RASGRP3: variants seen among roughly 807,000 people sequenced by gnomAD.
The protein encoded by RASGRP3 is ras guanyl-releasing protein 3.
A neutral mutation model predicts 82.7 loss-of-function variants in RASGRP3; 54 were observed. The ratio of observed to expected loss-of-function variants is 0.65; its 90% CI spans 0.52 to 0.82. RASGRP3 has a LOEUF of 0.82. Ranked by LOEUF, RASGRP3 falls within the 40% of genes least tolerant of loss-of-function variation. The pLI is 0.00. For synonymous variants in RASGRP3, 309 were observed against 300.5 expected (o/e 1.03, Z -0.29); for missense variants, 861 against 828.9 (o/e 1.04, Z -0.48).
chr2:33,487,247 G>A (rs1329204968), intron 1 of RASGRP3, among the ~76,000 whole-genome samples: 1 of 152,136 alleles, frequency 6.6e-6, no homozygotes, highest in Non-Finnish European at 1.5e-5. Flanking sequence ...TTGTCAAGTA[G>A]AGGGATGACA....
At position 33,527,202 on chromosome 2, in the gene RASGRP3, T is replaced by A. The variant is rs1672655034; in HGVS notation, c.873T>A (p.Phe291Leu). 6.2e-7 allele frequency: 1 copy of A among 1,613,926 alleles called. No homozygotes were observed. The highest frequency in any genetic ancestry group is 1.3e-5 in the African/African-American group (1 of 74,944). The change falls in exon 10 of 18, where the codon TTT becomes TTA. Residue 291 changes from phenylalanine (F) to leucine (L), a missense_variant. Physicochemically the swap from Phe to Leu is conservative, Grantham distance 22 (BLOSUM62 0). Coordinates refer to ENST00000403687, the MANE Select transcript of RASGRP3 (RefSeq NM_001139488.2). ...ATTACTGCAATTACCGCAAGGCCTT[T>A]GCCGACTGCGATGGCTTCAAAATCC... The part of the protein sequence containing the change: ...NGNYCNYRKA[F>L]ADCDGFKIPI...
At chr2:33,509,782 A>T (rs974394415) in intron 1 of RASGRP3, among the ~76,000 whole-genome samples, 1 of 151,766 alleles carries the variant, frequency 6.6e-6, no homozygotes, top group Non-Finnish European at 1.5e-5. Flanking sequence ...CCCGACACCA[A>T]CCCCTTCTAC....
At chr2:33,450,984 C>G (rs1665769015) in intron 2 of RASGRP3, among the ~76,000 whole-genome samples, 1 of 150,996 alleles carries the variant, frequency 6.6e-6, no homozygotes, top group Non-Finnish European at 1.5e-5. Flanking sequence ...ACTACAGGTG[C>G]CTGCCACCAC....
Position 33,520,633 on chromosome 2 carries a change from C to T in RASGRP3, c.317C>T (p.Ala106Val). ...ATGACTGAGGAATTTCGGGAAGTAG[C>T]TAGTCAACTAGGATATGAAAAACAC... ...IRMTEEFREV[A>V]SQLGYEKHVS... The change falls in exon 6 of 18, where the codon GCT becomes GTT. Residue 106 changes from alanine to valine, a missense_variant. Coordinates refer to ENST00000403687, the MANE Select transcript of RASGRP3 (RefSeq NM_001139488.2). The T allele has an allele frequency of 6.2e-7, 1 of 1,613,948 alleles. No homozygotes were observed. Among genetic ancestry groups the T allele is most frequent in the Non-Finnish European group, 8.5e-7 (1 of 1,179,856 alleles).
intron 10 of RASGRP3, 110 bp downstream of exon 10, chr2:33,527,522 A>G: frequency 8.7e-7 from 1 of 1,147,174 alleles, no homozygotes; most frequent in Non-Finnish European, 1.2e-6. Flanking sequence ...AATTGGTTTC[A>G]GAGTCAATAG....
At chr2:33,449,311 A>G (rs1383832915) in intron 2 of RASGRP3, among the ~76,000 whole-genome samples, 1 of 152,122 alleles carries the variant, frequency 6.6e-6, no homozygotes, top group Admixed American at 6.5e-5. Context: ...TTCTCAACCA[A>G]CCTTTCGTCA....
chr2:33,545,147 C>T (rs900582235), intron 13 of RASGRP3, among the ~76,000 whole-genome samples: 4 of 152,116 alleles, frequency 2.6e-5, no homozygotes, highest in African/African-American at 9.7e-5. Flanking sequence ...TGAGATTGTC[C>T]TAGCAAATAT....
intron 1 of RASGRP3, among the ~76,000 whole-genome samples, chr2:33,443,709 T>TAAAA (rs1161262477): frequency 3.1e-5 from 3 of 98,220 alleles, no homozygotes; most frequent in African/African-American, 7.8e-5. Flanking sequence ...ATCCTGTCTC[T>TAAAA]AAAAAAAAAA....
intron 2 of RASGRP3, among the ~76,000 whole-genome samples, chr2:33,452,743 C>T (rs1665865428): frequency 6.6e-6 from 1 of 152,332 alleles, no homozygotes; most frequent in African/African-American, 2.4e-5. Context: ...AGAGGTTGAG[C>T]TGCTGTGGCA....
At chr2:33,559,371 C>G (rs557999912) in intron 17 of RASGRP3, among the ~76,000 whole-genome samples, 1 of 152,222 alleles carries the variant, frequency 6.6e-6, no homozygotes, top group South Asian at 2.1e-4. Context: ...CTTGGTTTTC[C>G]AAGCTAGAAC....
chr2:33,552,476 G>T (rs1032538042), intron 14 of RASGRP3, among the ~76,000 whole-genome samples: 47 of 152,088 alleles, frequency 3.1e-4, no homozygotes, highest in African/African-American at 1.1e-3. Context: ...AGCTGTTTTT[G>T]TTTTTAAAAT....
At position 33,535,994 on chromosome 2, in the gene RASGRP3, T is replaced by C. The variant is rs1206094822; in HGVS notation, c.1161+1594T>C. ...AGAGCATCATACACAGGTTATCTTATTAACTCCGTTAAGAAAACTAGGTCT... is the reference window on the plus strand; with the variant it reads ...AGAGCATCATACACAGGTTATCTTACTAACTCCGTTAAGAAAACTAGGTCT... On this transcript the variant is annotated intron_variant, in intron 11 of 17. Transcript: ENST00000403687. Among the ~76,000 whole-genome samples the C allele has an allele frequency of 3.3e-5, 5 of 152,154 alleles. No individual in the cohort carries two copies. In the East Asian group the frequency reaches 9.6e-4, roughly 29 times the overall value.
chr2:33,447,440 A>AT (rs34967898), intron 1 of RASGRP3, among the ~76,000 whole-genome samples: 44,309 of 146,884 alleles, frequency 0.3, 7,289 homozygotes, highest in Non-Finnish European at 0.4. Flanking sequence ...GAGTGTGCAC[A>AT]TTTTTTTTTT....
At chr2:33,550,233 A>T (rs139776444) in intron 14 of RASGRP3, among the ~76,000 whole-genome samples, 1 of 152,348 alleles carries the variant, frequency 6.6e-6, no homozygotes, top group East Asian at 1.9e-4. Context: ...CATTTACTCA[A>T]TGCTTGACGG....
chr2:33,521,097 C>A (rs1415077287), intron 6 of RASGRP3, among the ~76,000 whole-genome samples: 4 of 152,110 alleles, frequency 2.6e-5, no homozygotes. Context: ...CCTCTAGGCC[C>A]CACCTTAAAC....
chr2:33,460,052 A>G (rs1488607417), intron 2 of RASGRP3, among the ~76,000 whole-genome samples: 1 of 152,212 alleles, frequency 6.6e-6, no homozygotes, highest in East Asian at 1.9e-4. Flanking sequence ...AACTTTATAC[A>G]ATGGAAATAA....
In RASGRP3 at chr2:33,476,725, T is replaced by A. The variant is rs1667402114; in HGVS notation, c.-261+18T>A. Reference sequence around the variant, plus strand: ...CCACCCTAGTAAGTAACTGGAGAACTTTCCTCTCTCTCTCTCTCTTTCATT... The same window carrying A: ...CCACCCTAGTAAGTAACTGGAGAACATTCCTCTCTCTCTCTCTCTTTCATT... On this transcript the variant is annotated intron_variant, in intron 1 of 17. Transcript: ENST00000403687. 1 of 112,926 alleles carries A rather than the reference T, an allele frequency of 8.9e-6. No homozygotes were observed. 7.0% of individuals were successfully genotyped at this position (112,926 alleles called of 1,614,324 possible).
At chr2:33,516,979 T>C (rs753335854) in intron 4 of RASGRP3, among the ~76,000 whole-genome samples, 2 of 152,232 alleles carry the variant, frequency 1.3e-5, no homozygotes, top group Non-Finnish European at 2.9e-5. Flanking sequence ...CAAATTTGTT[T>C]CTTCTGGGAT....
chr2:33,483,897 T>C (rs1280364166), intron 1 of RASGRP3, among the ~76,000 whole-genome samples: 1 of 152,168 alleles, frequency 6.6e-6, no homozygotes, highest in East Asian at 1.9e-4. Flanking sequence ...TCTGGGGTGT[T>C]TGTACTATGC....
Sources: gnomAD v4.1 joint callset for allele counts (sites outside exome capture counted in the v4.1 genomes callset) on GRCh38, gnomAD v4.1.1 for gene constraint, MANE v1.5 for transcripts, NCBI Gene and HGNC (gene_info 2026-07-23, HGNC 2026-07-21) for gene names.